KCNH5: variants seen among roughly 807,000 people sequenced by gnomAD.
The protein encoded by KCNH5 is potassium voltage-gated channel subfamily H member 5.
Under a neutral mutation model 96.1 loss-of-function variants are expected in KCNH5, and 46 were observed. The observed-to-expected ratio is 0.48, with a 90% CI of 0.38 to 0.61. KCNH5 has a LOEUF of 0.61. KCNH5 is among the 20% of genes least tolerant of loss of function. The probability of loss-of-function intolerance (pLI) is 0.00; values close to 1 mark genes in which losing one functional copy is unlikely to be tolerated. For synonymous variants in KCNH5, 439 were observed against 449.8 expected (o/e 0.98, Z 0.30); for missense variants, 907 against 1,225.8 (o/e 0.74, Z 3.88).
chr14:63,026,027 T>A (rs1007942094), intron 1 of KCNH5, among the ~76,000 whole-genome samples: 2 of 151,586 alleles, frequency 1.3e-5, no homozygotes, highest in African/African-American at 4.8e-5. Flanking sequence ...CAAAGACAAA[T>A]AAAACATAAT....
intron 7 of KCNH5, among the ~76,000 whole-genome samples, chr14:62,948,581 T>C (rs925953754): frequency 1.3e-4 from 19 of 151,724 alleles, no homozygotes; most frequent in South Asian, 6.2e-4. Flanking sequence ...ACCAGAGGTA[T>C]AAGGAGGAAC....
chr14:62,801,283 T>G (rs1172761763), intron 9 of KCNH5, among the ~76,000 whole-genome samples: 1 of 151,700 alleles, frequency 6.6e-6, no homozygotes, highest in Non-Finnish European at 1.5e-5. Context: ...TCCAATAGTT[T>G]AAAAATTGAG....
intron 9 of KCNH5, among the ~76,000 whole-genome samples, chr14:62,786,175 A>C (rs1886317800): frequency 6.6e-6 from 1 of 152,190 alleles, no homozygotes; most frequent in Admixed American, 6.5e-5. Context: ...TGGGTGACAG[A>C]GCAAGACTCA....
At chr14:62,951,230 C>G (rs1009295815) in intron 6 of KCNH5, among the ~76,000 whole-genome samples, 3 of 152,098 alleles carry the variant, frequency 2.0e-5, no homozygotes, top group African/African-American at 7.2e-5. Flanking sequence ...CCAAAAATAA[C>G]ACCAAAAAAA....
At chr14:62,906,640 T>C (rs1005272770) in intron 7 of KCNH5, among the ~76,000 whole-genome samples, 5 of 152,216 alleles carry the variant, frequency 3.3e-5, no homozygotes, top group Non-Finnish European at 5.9e-5. Flanking sequence ...CTAATTGATA[T>C]TGTTAAATTC....
At chr14:62,931,504 AAACAG>A (rs1259323548) in intron 7 of KCNH5, among the ~76,000 whole-genome samples, 1 of 152,200 alleles carries the variant, frequency 6.6e-6, no homozygotes, top group African/African-American at 2.4e-5. Flanking sequence ...CCACAAGAAC[AAACAG>A]AACAGTAGAA....
At chr14:63,037,404 C>A (rs1256315853) in intron 1 of KCNH5, among the ~76,000 whole-genome samples, 1 of 152,040 alleles carries the variant, frequency 6.6e-6, no homozygotes, top group Non-Finnish European at 1.5e-5. Flanking sequence ...AGTAGGTACT[C>A]AATAAAATGG....
chr14:63,011,478 CAA>C (rs199730487), intron 2 of KCNH5, among the ~76,000 whole-genome samples: 3,875 of 125,380 alleles, frequency 0.031, 63 homozygotes, highest in Middle Eastern at 0.047. Flanking sequence ...AAGTCTGTCT[CAA>C]AAAAAAAAAA....
At chr14:62,737,802 C>T (rs1032485447) in intron 10 of KCNH5, among the ~76,000 whole-genome samples, 1 of 152,060 alleles carries the variant, frequency 6.6e-6, no homozygotes, top group African/African-American at 2.4e-5. Flanking sequence ...ATGCAACATT[C>T]ATTATTAACA....
At chr14:62,796,985 A>G (rs1886554991) in intron 9 of KCNH5, among the ~76,000 whole-genome samples, 1 of 152,142 alleles carries the variant, frequency 6.6e-6, no homozygotes, top group Non-Finnish European at 1.5e-5. Flanking sequence ...AGTAACTTTG[A>G]ATAGAATGGG....
chr14:63,006,339 C>A (rs764471870), intron 3 of KCNH5, 27 bp downstream of exon 3: 4 of 1,347,890 alleles, frequency 3.0e-6, no homozygotes, highest in Non-Finnish European at 4.3e-6. Flanking sequence ...AGAGTTGGCA[C>A]ATCTTATTAA....
intron 8 of KCNH5, among the ~76,000 whole-genome samples, chr14:62,844,432 G>A (rs1316950086): frequency 6.6e-6 from 1 of 152,014 alleles, no homozygotes; most frequent in African/African-American, 2.4e-5. Flanking sequence ...TTATTTCCCA[G>A]CAAAGTCATT....
rs192845943 is a variant in KCNH5 at position 63,002,306 on chromosome 14, T to C, written c.305-847A>G. 7.2e-5 allele frequency among the ~76,000 whole-genome samples: 11 copies of C among 152,258 alleles called. No homozygotes were observed. The East Asian group carries it at 1.7e-3, about 24-fold the overall frequency. ...TTTGGATAAGTCAGGAACTGGTATA[T>C]AACAAATAGAAATATGTGAAGGCAC... On this transcript the variant is annotated intron_variant, in intron 3 of 10. Transcript: ENST00000322893.
In KCNH5 at chr14:63,045,176, C is replaced by T; in HGVS notation, c.11G>A (p.Gly4Asp). Residue 4 changes from glycine (G) to aspartate (D), a missense_variant, in exon 1 of 11, where the codon GGC becomes GAC. Physicochemically the swap from Gly to Asp is moderately conservative, Grantham distance 94. Around this residue, in one of 6 missense-constraint regions of KCNH5, gnomAD observed 370 missense variants for 561.3 expected, o/e 0.66. Coordinates refer to ENST00000322893, the MANE Select transcript of KCNH5 (RefSeq NM_139318.5). ...CTGCGGTGCCACCAGCCCTCTCTTG[C>T]CCCCCGGCATCCTGGGTCTGGAGAG... MPG[G>D]KRGLVAPQNT... 1 of 1,612,888 alleles carries T rather than the reference C, an allele frequency of 6.2e-7. No homozygotes were observed. Among genetic ancestry groups the T allele is most frequent in the Non-Finnish European group, 8.5e-7 (1 of 1,179,638 alleles).
intron 9 of KCNH5, among the ~76,000 whole-genome samples, chr14:62,793,368 A>G (rs541033920): frequency 3.4e-4 from 52 of 151,932 alleles, no homozygotes; most frequent in Non-Finnish European, 5.2e-4. Flanking sequence ...TACCTTGATT[A>G]TGGTAATGGT....
In KCNH5 at chr14:63,041,276, AACCTCT is replaced by A. The variant is rs542537131; in HGVS notation, c.73+3832_73+3837del. Reference sequence around the variant, plus strand: ...AACAGTTACTTTCTTCCAGATACTTAACCTCTACCCACAAGTTTATTGCTCCCTAGA... The same window carrying A: ...AACAGTTACTTTCTTCCAGATACTTAACCCACAAGTTTATTGCTCCCTAGA... On this transcript the variant is annotated intron_variant, in intron 1 of 10. Coordinates refer to ENST00000322893, the MANE Select transcript of KCNH5 (RefSeq NM_139318.5). Among the ~76,000 whole-genome samples, 23 of 152,308 alleles carry A rather than the reference AACCTCT, an allele frequency of 1.5e-4. No homozygotes were observed. In the South Asian group the frequency reaches 4.8e-3, roughly 32 times the overall value.
rs1342213320 is a variant in KCNH5 at position 62,846,149 on chromosome 14, TTTTTAAG to T, written c.1569+3497_1569+3503del. Among the ~76,000 whole-genome samples, 9 of 152,302 alleles carry T rather than the reference TTTTTAAG, an allele frequency of 5.9e-5. No individual in the cohort carries two copies. The East Asian group carries it at 1.2e-3, about 20-fold the overall frequency. ...TTCTATGTCTTTTTGTTTGTTTGTT[TTTTTAAG>T]TTTTAACTCTTTGTTCCAAGGGAAA... is the stretch of plus-strand genomic sequence containing the variant. On this transcript the variant is annotated intron_variant, in intron 8 of 10. Transcript: ENST00000322893.
intron 7 of KCNH5, among the ~76,000 whole-genome samples, chr14:62,890,752 AAAG>A (rs1888694883): frequency 6.6e-6 from 1 of 152,100 alleles, no homozygotes. Context: ...ACACTTTTCA[AAAG>A]AAGAGATACA....
chr14:62,961,819 G>C (rs1890212149), intron 6 of KCNH5, among the ~76,000 whole-genome samples: 1 of 151,948 alleles, frequency 6.6e-6, no homozygotes, highest in African/African-American at 2.4e-5. Flanking sequence ...TGGAGATGGA[G>C]ATGCAGATAG....
Sources: allele counts gnomAD v4.1 joint callset (sites outside exome capture counted in the v4.1 genomes callset), GRCh38; gene constraint gnomAD v4.1.1; regional missense constraint gnomAD v4.1.1; transcripts MANE v1.5; gene names NCBI Gene and HGNC (gene_info 2026-07-23, HGNC 2026-07-21).